PRH1: variants seen among roughly 807,000 people sequenced by gnomAD.
PRH1 encodes the protein salivary acidic proline-rich phosphoprotein 1/2.
A neutral mutation model predicts 7.9 loss-of-function variants in PRH1; 7 were observed. The ratio of observed to expected loss-of-function variants is 0.89; its 90% CI spans 0.50 to 1.67. PRH1 has a LOEUF of 1.67. Ranked by LOEUF, PRH1 falls within the 40% of genes most tolerant of loss-of-function variation. The probability of loss-of-function intolerance (pLI) is 0.00; values close to 1 mark genes in which losing one functional copy is unlikely to be tolerated. For synonymous variants in PRH1, 45 were observed against 80.8 expected (o/e 0.56, Z 2.38); for missense variants, 109 against 223.6 (o/e 0.49, Z 3.27).
chr12:10,905,511 C>G (rs139163247), intron 2 of PRH1, among the ~76,000 whole-genome samples: 4,406 of 152,040 alleles, frequency 0.029, 109 homozygotes, highest in South Asian at 0.1. Context: ...ACTAAAAATA[C>G]AAAAATTAGC....
rs1269919751 is a variant in PRH1 at position 11,163,591 on chromosome 12, T to A, written n.39+7831A>T. On this transcript the variant is annotated intron_variant and non_coding_transcript_variant, in intron 1 of 1. Coordinates refer to the PRH1 transcript ENST00000541175. ...ATTAATTATGTGAATGTTGTGTGGTTACGGACCAAGATTTTCAGCATGAGA... is the reference window on the plus strand; with the variant it reads ...ATTAATTATGTGAATGTTGTGTGGTAACGGACCAAGATTTTCAGCATGAGA... Among the ~76,000 whole-genome samples, 3 of 152,218 alleles carry A rather than the reference T, an allele frequency of 2.0e-5. No individual in the cohort carries two copies. In the East Asian group the frequency reaches 5.8e-4, roughly 29 times the overall value.
rs556449951 is a variant in PRH1 at position 11,100,737 on chromosome 12, T to C, written n.124-53549A>G. On this transcript the variant is annotated intron_variant and non_coding_transcript_variant, in intron 1 of 4. Transcript: ENST00000541977. Reference sequence around the variant, plus strand: ...GGTGACTAAATCTGGATTATTTTACTACAGCAGTCAAAGTAGCATTATATG... The same window carrying C: ...GGTGACTAAATCTGGATTATTTTACCACAGCAGTCAAAGTAGCATTATATG... Among the ~76,000 whole-genome samples, 5 of 152,330 alleles carry C rather than the reference T, an allele frequency of 3.3e-5. No individual in the cohort carries two copies. The South Asian group carries it at 1.0e-3, about 32-fold the overall frequency.
At chr12:10,906,807 C>G (rs1949811388) in intron 2 of PRH1, among the ~76,000 whole-genome samples, 1 of 152,118 alleles carries the variant, frequency 6.6e-6, no homozygotes, top group Non-Finnish European at 1.5e-5. Context: ...ATAAGTTACC[C>G]AGTCTTGAGT....
chr12:10,996,069 C>A (rs1260587776), intron 1 of PRH1, among the ~76,000 whole-genome samples: 13 of 151,782 alleles, frequency 8.6e-5, no homozygotes, highest in Admixed American at 8.5e-4. Context: ...ATAATCCCAG[C>A]ACTTTGGGAG....
At chr12:11,098,652 T>C (rs1945135582) in intron 1 of PRH1, among the ~76,000 whole-genome samples, 1 of 152,230 alleles carries the variant, frequency 6.6e-6, no homozygotes, top group South Asian at 2.1e-4. Flanking sequence ...CTAAGATCAT[T>C]ACCAATATGG....
chr12:11,113,046 C>G (rs966162980), intron 1 of PRH1, among the ~76,000 whole-genome samples: 6 of 152,064 alleles, frequency 3.9e-5, no homozygotes, highest in Admixed American at 1.3e-4. Context: ...CTCCATTTCA[C>G]AATTGCTACA....
intron 1 of PRH1, among the ~76,000 whole-genome samples, chr12:11,026,912 G>A (rs1314136628): frequency 1.3e-5 from 2 of 152,024 alleles, no homozygotes; most frequent in African/African-American, 4.8e-5. Context: ...TTTATATCAC[G>A]GCTATGTCAC....
chr12:11,008,783 C>T (rs7303382), intron 1 of PRH1, among the ~76,000 whole-genome samples: 46,201 of 151,530 alleles, frequency 0.3, 8,881 homozygotes, highest in East Asian at 0.74. Flanking sequence ...TTGATATATA[C>T]TTGGACAGCT....
chr12:10,977,461 G>A (rs1012755216), intron 1 of PRH1, among the ~76,000 whole-genome samples: 4 of 152,070 alleles, frequency 2.6e-5, no homozygotes, highest in African/African-American at 4.8e-5. Context: ...ACATCATACC[G>A]AATGAGCAAA....
intron 1 of PRH1, among the ~76,000 whole-genome samples, chr12:11,146,015 A>G (rs1484683460): frequency 5.3e-5 from 8 of 152,166 alleles, no homozygotes; most frequent in Admixed American, 4.6e-4. Flanking sequence ...CATATCAAAA[A>G]GTATGTGTAC....
chr12:11,136,942 A>T (rs1319881658), intron 1 of PRH1, among the ~76,000 whole-genome samples: 3 of 152,244 alleles, frequency 2.0e-5, no homozygotes, highest in Non-Finnish European at 1.5e-5. Context: ...TATACCTGAC[A>T]TGAAAATGGT....
intron 1 of PRH1, among the ~76,000 whole-genome samples, chr12:11,094,179 G>A (rs2136269815): frequency 9.0e-6 from 1 of 110,958 alleles, no homozygotes; most frequent in East Asian, 2.2e-4. Context: ...GTGTGGGCCT[G>A]TAGCCCCAGC....
intron 1 of PRH1, among the ~76,000 whole-genome samples, chr12:11,071,506 A>G (rs1161230911): frequency 6.6e-6 from 1 of 152,196 alleles, no homozygotes; most frequent in Non-Finnish European, 1.5e-5. Context: ...AAAGGAATGT[A>G]GAGTAGTTTA....
intron 1 of PRH1, among the ~76,000 whole-genome samples, chr12:11,052,629 G>C (rs1943193626): frequency 1.3e-5 from 2 of 152,100 alleles, no homozygotes; most frequent in South Asian, 4.1e-4. Flanking sequence ...AAGTATGTTA[G>C]GTGTTTTGAT....
chr12:11,063,014 G>T (rs2136186128), intron 1 of PRH1, among the ~76,000 whole-genome samples: 1 of 152,080 alleles, frequency 6.6e-6, no homozygotes, highest in South Asian at 2.1e-4. Context: ...ATAAAAAAAG[G>T]AGTTTCCAGG....
chr12:11,139,484 T>A (rs898916098), intron 1 of PRH1, among the ~76,000 whole-genome samples: 8 of 152,242 alleles, frequency 5.3e-5, no homozygotes, highest in African/African-American at 1.9e-4. Flanking sequence ...CCAAACTTTA[T>A]GTAAAAGATC....
chr12:11,037,013 G>C (rs1942455659), intron 1 of PRH1, among the ~76,000 whole-genome samples: 1 of 152,026 alleles, frequency 6.6e-6, no homozygotes, highest in Admixed American at 6.5e-5. Context: ...CCCTCACATG[G>C]TATTTCATCA....
At chr12:11,170,214 T>TA (rs1468363183) in intron 1 of PRH1, among the ~76,000 whole-genome samples, 4 of 152,218 alleles carry the variant, frequency 2.6e-5, no homozygotes, top group African/African-American at 4.8e-5. Flanking sequence ...TTGTGGCTAT[T>TA]AGAGATTCAC....
chr12:10,904,162 GA>G (rs907058656), intron 2 of PRH1, among the ~76,000 whole-genome samples: 113 of 142,694 alleles, frequency 7.9e-4, no homozygotes, highest in African/African-American at 2.6e-3. Flanking sequence ...CACAGAACTA[GA>G]AAAAAAAAAC....
Sources: allele counts gnomAD v4.1 joint callset (sites outside exome capture counted in the v4.1 genomes callset), GRCh38; gene constraint gnomAD v4.1.1; transcripts MANE v1.5; gene names NCBI Gene and HGNC (gene_info 2026-07-23, HGNC 2026-07-21).